Variants in MRPL44 observed in about 807,000 individuals in gnomAD.
MRPL44 encodes the protein large ribosomal subunit protein mL44.
In MRPL44, 21 loss-of-function variants were observed where a neutral mutation model predicts 25.9. That is an observed-to-expected ratio of 0.81 (90% CI 0.58 to 1.17). The LOEUF is 1.17. Ranked by LOEUF, MRPL44 falls within the 50% of genes most tolerant of loss-of-function variation. The pLI is 0.00. For missense variants in MRPL44, 410 were observed against 398.9 expected (o/e 1.03, Z -0.24); for synonymous variants, 169 against 151.0 (o/e 1.12, Z -0.87).
Position 223,957,656 on chromosome 2 carries a change from G to A in MRPL44, c.179+5G>A. On this transcript the variant is annotated splice_donor_5th_base_variant and intron_variant, in intron 1 of 3. Transcript: ENST00000258383. The stretch of plus-strand genomic sequence containing the variant: ...CCCGCCGCCGCCCGTGCGCCGGTAG[G>A]AGCCACCTCGGGAAGAGGTCTCAGG... 1 of 1,603,028 alleles carries A rather than the reference G, an allele frequency of 6.2e-7. No homozygotes were observed. Among genetic ancestry groups the A allele is most frequent in the South Asian group, 1.1e-5 (1 of 90,820 alleles).
upstream of MRPL44, among the ~76,000 whole-genome samples, chr2:223,957,218 C>G (rs939139487): frequency 6.6e-6 from 1 of 152,248 alleles, no homozygotes; most frequent in African/African-American, 2.4e-5. Context: ...TGGGCGCAAA[C>G]GCCCTCAAGT....
upstream of MRPL44, among the ~76,000 whole-genome samples, chr2:223,952,994 A>G (rs1307359622): frequency 2.6e-5 from 4 of 152,222 alleles, no homozygotes; most frequent in Non-Finnish European, 5.9e-5. Context: ...TACTGAGAAT[A>G]TGACGTTACA....
chr2:223,957,554 G>A lies in MRPL44; in HGVS notation c.82G>A (p.Val28Ile), dbSNP rs752226588. The change falls in exon 1 of 4, where the codon GTT (valine) becomes ATT (isoleucine). Residue 28 changes from valine to isoleucine, a missense_variant. Coordinates refer to ENST00000258383, the MANE Select transcript of MRPL44 (RefSeq NM_022915.5). Reference sequence around the variant, plus strand: ...AGTCGCCCCCAAGCTGGTCCCTCCGGTTCGGGGAGTGAAGAAGGGATTCCG... The same window carrying A: ...AGTCGCCCCCAAGCTGGTCCCTCCGATTCGGGGAGTGAAGAAGGGATTCCG... ...APVAPKLVPP[V>I]RGVKKGFRAA... is the part of the protein sequence containing the mutation. The A allele has an allele frequency of 2.5e-6, 4 of 1,613,892 alleles. No homozygotes were observed. Among genetic ancestry groups the A allele is most frequent in the African/African-American group, 2.7e-5 (2 of 74,958 alleles).
At chr2:223,957,289 C>T (rs972813674), upstream of MRPL44, 11 of 661,368 alleles carry the variant, frequency 1.7e-5, no homozygotes, top group South Asian at 9.2e-5. Flanking sequence ...AGCCTCAAGG[C>T]GGCCGCAATC....
At chr2:223,963,637 T>C in intron 2 of MRPL44, 119 bp from the exon 3 acceptor site, 2 of 598,740 alleles carry the variant, frequency 3.3e-6, no homozygotes, top group Non-Finnish European at 5.0e-6. Flanking sequence ...AAGTTTTAAA[T>C]TTCTGTTAAA....
At chr2:223,954,579 A>C (rs967439250), upstream of MRPL44, among the ~76,000 whole-genome samples, 2 of 152,186 alleles carry the variant, frequency 1.3e-5, no homozygotes, top group Admixed American at 1.3e-4. Flanking sequence ...ATTCATTCAC[A>C]TGGCTGTTAG....
Position 223,957,486 on chromosome 2 carries a change from T to C in MRPL44, c.14T>C (p.Leu5Pro). MASG[L>P]VRLLQQGHRC... Reference sequence around the variant, plus strand: ...TTCTCTCGTGCAATGGCGTCCGGGCTGGTAAGATTGCTGCAGCAGGGACAT... The same window carrying C: ...TTCTCTCGTGCAATGGCGTCCGGGCCGGTAAGATTGCTGCAGCAGGGACAT... Residue 5 changes from leucine to proline, a missense_variant, in exon 1 of 4, where the codon CTG (leucine) becomes CCG (proline). Leu to Pro is a moderately conservative substitution (Grantham distance 98). Transcript: ENST00000258383. 6.2e-7 allele frequency: 1 copy of C among 1,614,154 alleles called. No homozygotes were observed. The highest frequency in any genetic ancestry group is 8.5e-7 in the Non-Finnish European group (1 of 1,180,026).
In MRPL44 at chr2:223,959,679, G is replaced by T. The variant is rs772820746; in HGVS notation, c.325G>T (p.Gly109Trp). Residue 109 changes from glycine (G) to tryptophan (W), a missense_variant, in exon 2 of 4, where the codon GGG becomes TGG. Physicochemically the swap from Gly to Trp is radical, Grantham distance 184. Coordinates refer to ENST00000258383, the MANE Select transcript of MRPL44 (RefSeq NM_022915.5). Reference sequence around the variant, plus strand: ...TGAGGAGGCCAAACGCCAACAACTTGGGATAGAGAAAGAAGCTGTTCTTCT... The same window carrying T: ...TGAGGAGGCCAAACGCCAACAACTTTGGATAGAGAAAGAAGCTGTTCTTCT... ...KSEEAKRQQL[G>W]IEKEAVLLNL... 6.2e-7 allele frequency: 1 copy of T among 1,614,204 alleles called. No individual in the cohort carries two copies. The highest frequency in any genetic ancestry group is 1.7e-5 in the Admixed American group (1 of 60,030).
In MRPL44 at chr2:223,958,840, A is replaced by G. The variant is rs1054646629; in HGVS notation, c.180-694A>G. ...CTAAGTTATGTTTATACTATTCTGTAGTTTATTAAGTGTACAGTAGTAGTG... is the reference window on the plus strand; with the variant it reads ...CTAAGTTATGTTTATACTATTCTGTGGTTTATTAAGTGTACAGTAGTAGTG... On this transcript the variant is annotated intron_variant, in intron 1 of 3. Transcript: ENST00000258383. Among the ~76,000 whole-genome samples, 6 of 152,336 alleles carry G rather than the reference A, an allele frequency of 3.9e-5. No homozygotes were observed. The East Asian group carries it at 7.7e-4, about 20-fold the overall frequency.
the MRPL44 span, among the ~76,000 whole-genome samples, chr2:223,951,478 G>GTTTTTTTTTTTTTTTTTTTT: frequency 3.6e-5 from 4 of 112,542 alleles, no homozygotes; most frequent in African/African-American, 1.4e-4. Flanking sequence ...TTACCTTGGA[G>GTTTTTTTTTTTTTTTTTTTT]TTTTTTTTTT....
chr2:223,955,039 A>G (rs1440920141), upstream of MRPL44, among the ~76,000 whole-genome samples: 1 of 152,170 alleles, frequency 6.6e-6, no homozygotes, highest in East Asian at 1.9e-4. Flanking sequence ...TCCTATTTCT[A>G]ATTGTATTTT....
At chr2:223,957,129 G>T (rs1276553806), upstream of MRPL44, among the ~76,000 whole-genome samples, 1 of 152,262 alleles carries the variant, frequency 6.6e-6, no homozygotes, top group Non-Finnish European at 1.5e-5. Context: ...AAGCGAAACA[G>T]ATTTTTGTTT....
the MRPL44 span, among the ~76,000 whole-genome samples, chr2:223,951,102 G>C: frequency 6.6e-6 from 1 of 152,162 alleles, no homozygotes; most frequent in Non-Finnish European, 1.5e-5. Flanking sequence ...TTGTCCTGAA[G>C]ACAAAGGAAG....
At chr2:223,962,874 G>A (rs1689685502) in intron 2 of MRPL44, among the ~76,000 whole-genome samples, 1 of 151,828 alleles carries the variant, frequency 6.6e-6, no homozygotes, top group South Asian at 2.1e-4. Context: ...GCTAATTTTT[G>A]TATTTTTAGT....
chr2:223,961,321 G>A (rs1462116811), intron 2 of MRPL44, among the ~76,000 whole-genome samples: 3 of 152,234 alleles, frequency 2.0e-5, no homozygotes, highest in Non-Finnish European at 4.4e-5. Flanking sequence ...TTGTGCTTGG[G>A]AACTACAGTT....
chr2:223,967,138 G>T lies in MRPL44; in HGVS notation c.*104G>T, dbSNP rs1689754756. On this transcript the variant is annotated 3_prime_UTR_variant, in exon 4 of 4. Coordinates refer to ENST00000258383, the MANE Select transcript of MRPL44 (RefSeq NM_022915.5). Reference sequence around the variant, plus strand: ...ACAATTGTGAAGAAATAGATGTTTTGTTTCTGTTTTTTACTGTGTTCCCAA... The same window carrying T: ...ACAATTGTGAAGAAATAGATGTTTTTTTTCTGTTTTTTACTGTGTTCCCAA... 5.2e-6 allele frequency: 6 copies of T among 1,159,674 alleles called. No individual in the cohort carries two copies. The highest frequency in any genetic ancestry group is 2.9e-5 in the Admixed American group (1 of 34,060). 71.8% of individuals were successfully genotyped at this position (1,159,674 alleles called of 1,614,324 possible). A position where few individuals can be genotyped will look rare whatever the true frequency, so the allele number is the denominator to read the frequency against.
intron 2 of MRPL44, among the ~76,000 whole-genome samples, chr2:223,962,088 A>G (rs903963970): frequency 1.1e-4 from 17 of 152,100 alleles, no homozygotes; most frequent in African/African-American, 4.1e-4. Flanking sequence ...GCTGGAGTGC[A>G]GTGGCACAAT....
At chr2:223,955,604 G>A (rs1455727953), upstream of MRPL44, among the ~76,000 whole-genome samples, 1 of 152,168 alleles carries the variant, frequency 6.6e-6, no homozygotes, top group African/African-American at 2.4e-5. Flanking sequence ...TTCCCCAAGG[G>A]TTAAAGTGAA....
rs376430869 is a variant in MRPL44 at position 223,967,001 on chromosome 2, C to T, written c.966C>T (p.Thr322=). The change falls in exon 4 of 4, where the codon ACC becomes ACT. Residue 322 remains threonine, a synonymous_variant. Transcript: ENST00000258383. ...GGAACTATTCCAAGCCCAAAGAAAC[C>T]TTGAGAGCAGAAAAGAGCATCACTG... ...RPWNYSKPKE[T]LRAEKSITAS 12 of 1,613,072 alleles carry T rather than the reference C, an allele frequency of 7.4e-6. No homozygotes were observed. Among genetic ancestry groups the T allele is most frequent in the Admixed American group, 1.7e-5 (1 of 59,908 alleles).
Sources: allele counts gnomAD v4.1 joint callset (sites outside exome capture counted in the v4.1 genomes callset), GRCh38; gene constraint gnomAD v4.1.1; transcripts MANE v1.5; gene names NCBI Gene and HGNC (gene_info 2026-07-23, HGNC 2026-07-21).